CAPN13: variants seen among roughly 807,000 people sequenced by gnomAD.
CAPN13 encodes the protein calpain 13.
CAPN13 carries 90 observed loss-of-function variants against 98.4 expected under a neutral mutation model. That is an observed-to-expected ratio of 0.92 (90% CI 0.77 to 1.09). CAPN13 has a LOEUF of 1.09. CAPN13 is among the 50% of genes least tolerant of loss of function. CAPN13 has a pLI of 0.00. For synonymous variants in CAPN13, 330 were observed against 305.5 expected (o/e 1.08, Z -0.84); for missense variants, 887 against 841.3 (o/e 1.05, Z -0.67).
At chr2:30,738,667 G>C (rs942834867) in intron 15 of CAPN13, among the ~76,000 whole-genome samples, 1 of 152,190 alleles carries the variant, frequency 6.6e-6, no homozygotes, top group Non-Finnish European at 1.5e-5. Flanking sequence ...CACTCCTGAT[G>C]CTTGGCCCCT....
intron 3 of CAPN13, among the ~76,000 whole-genome samples, chr2:30,776,524 T>C (rs767195366): frequency 2.0e-5 from 3 of 152,136 alleles, no homozygotes; most frequent in Non-Finnish European, 4.4e-5. Flanking sequence ...CTGATTCTCT[T>C]TTTGCCAGAG....
intron 5 of CAPN13, among the ~76,000 whole-genome samples, chr2:30,769,837 G>A (rs1673305601): frequency 6.6e-6 from 1 of 151,998 alleles, no homozygotes; most frequent in Non-Finnish European, 1.5e-5. Flanking sequence ...GACCACCCCT[G>A]ATGATGTCTT....
chr2:30,736,142 CTA>C (rs1332391200), intron 18 of CAPN13, among the ~76,000 whole-genome samples: 38 of 137,164 alleles, frequency 2.8e-4, no homozygotes, highest in Non-Finnish European at 3.1e-4. Context: ...CAGGCCACAT[CTA>C]TGTTTTCGAC....
chr2:30,779,557 C>T (rs1558333755), intron 2 of CAPN13, among the ~76,000 whole-genome samples: 1 of 152,144 alleles, frequency 6.6e-6, no homozygotes, highest in Non-Finnish European at 1.5e-5. Flanking sequence ...CAGTGTCTGA[C>T]ATAGTACATG....
intron 9 of CAPN13, 33 bp from the exon 10 acceptor site, chr2:30,753,231 C>T: frequency 6.2e-7 from 1 of 1,611,194 alleles, no homozygotes; most frequent in South Asian, 1.1e-5. Flanking sequence ...ACTCAGTGAC[C>T]AGGGGTTGTG....
intron 13 of CAPN13, 163 bp downstream of exon 13, chr2:30,743,220 C>T (rs181168285): frequency 2.2e-5 from 15 of 678,508 alleles, no homozygotes; most frequent in Middle Eastern, 3.4e-4. Context: ...TAGACTTTCT[C>T]GCTCCCCCTT....
At chr2:30,724,580 G>A (rs559332250) in intron 22 of CAPN13, among the ~76,000 whole-genome samples, 14 of 152,162 alleles carry the variant, frequency 9.2e-5, no homozygotes, top group African/African-American at 2.7e-4. Flanking sequence ...TGTACATGTC[G>A]GTTTCCCAGT....
At chr2:30,766,196 C>A (rs531977709) in intron 5 of CAPN13, among the ~76,000 whole-genome samples, 22 of 152,368 alleles carry the variant, frequency 1.4e-4, no homozygotes, top group Non-Finnish European at 2.5e-4. Flanking sequence ...TCAAACAGGG[C>A]TGTGCTAAAG....
intron 1 of CAPN13, among the ~76,000 whole-genome samples, chr2:30,806,950 G>A (rs1675664059): frequency 6.6e-6 from 1 of 152,168 alleles, no homozygotes; most frequent in African/African-American, 2.4e-5. Context: ...CATGATTTCT[G>A]CCATCAATGT....
intron 22 of CAPN13, among the ~76,000 whole-genome samples, chr2:30,726,762 A>G (rs1296219041): frequency 6.6e-6 from 1 of 152,170 alleles, no homozygotes; most frequent in Non-Finnish European, 1.5e-5. Flanking sequence ...AAAAGATTTT[A>G]TATTGTGAAG....
intron 5 of CAPN13, 33 bp from the exon 6 acceptor site, chr2:30,764,339 G>A (rs759928019): frequency 4.4e-6 from 7 of 1,606,826 alleles, no homozygotes; most frequent in East Asian, 2.2e-5. Flanking sequence ...CCATCGTGGT[G>A]CCTTTGGTGA....
At chr2:30,731,304 C>T in intron 21 of CAPN13, 40 bp downstream of exon 21, 1 of 1,576,814 alleles carries the variant, frequency 6.3e-7, no homozygotes, top group Non-Finnish European at 8.6e-7. Context: ...GGGAGGCAGC[C>T]TGGGACTGTG....
chr2:30,733,856 G>T (rs1390413921), intron 19 of CAPN13, among the ~76,000 whole-genome samples: 3 of 152,190 alleles, frequency 2.0e-5, no homozygotes, highest in Admixed American at 6.5e-5. Context: ...TCCCCATTGG[G>T]ACAGTAGAGG....
In CAPN13 at chr2:30,770,380, G is replaced by C. The variant is rs1216126935; in HGVS notation, c.457C>G (p.Leu153Val). 6.2e-7 allele frequency: 1 copy of C among 1,614,002 alleles called. No homozygotes were observed. The highest frequency in any genetic ancestry group is 8.5e-7 in the Non-Finnish European group (1 of 1,179,868). ...TTTTGGTGGCGAGGACGCACAAAGA[G>C]GCATTTATCTCCCTGGACAGGTAGG... is the stretch of plus-strand genomic sequence containing the variant. ...DRLPVQGDKC[L>V]FVRPRHQNQE... The change falls in exon 5 of 23, where the codon CTC (leucine) becomes GTC (valine). Residue 153 changes from leucine to valine, a missense_variant. Transcript: ENST00000295055.
intron 1 of CAPN13, among the ~76,000 whole-genome samples, chr2:30,800,523 C>T (rs1245269793): frequency 2.6e-5 from 4 of 152,202 alleles, no homozygotes; most frequent in Non-Finnish European, 5.9e-5. Flanking sequence ...CTCCACTAAA[C>T]TCTATGGGCC....
intron 2 of CAPN13, among the ~76,000 whole-genome samples, chr2:30,779,829 T>G (rs1673896201): frequency 6.6e-6 from 1 of 152,092 alleles, no homozygotes. Context: ...TATTTGCCAT[T>G]GAAAGTAATG....
intron 5 of CAPN13, 81 bp downstream of exon 5, chr2:30,770,232 T>C: frequency 6.4e-7 from 1 of 1,553,890 alleles, no homozygotes; most frequent in Non-Finnish European, 8.7e-7. Context: ...GCTGCAATGC[T>C]CCAACAGGGA....
chr2:30,749,759 G>A (rs7355629), intron 11 of CAPN13, among the ~76,000 whole-genome samples: 3 of 37,424 alleles, frequency 8.0e-5, no homozygotes, highest in South Asian at 4.3e-4. Context: ...GGATCCCAGC[G>A]TGTGCATGAT....
At chr2:30,732,193 T>C (rs1017786060) in intron 20 of CAPN13, among the ~76,000 whole-genome samples, 64 of 152,188 alleles carry the variant, frequency 4.2e-4, no homozygotes, top group African/African-American at 1.5e-3. Context: ...ACCTTGTTCC[T>C]GAGAGAGGGG....
Sources: gnomAD v4.1 joint callset for allele counts (sites outside exome capture counted in the v4.1 genomes callset) on GRCh38, gnomAD v4.1.1 for gene constraint, MANE v1.5 for transcripts, NCBI Gene and HGNC (gene_info 2026-07-23, HGNC 2026-07-21) for gene names.